The following GALNT13 variants were observed in gnomAD, a reference collection of about 807,000 sequenced individuals.
The protein encoded by GALNT13 is UDP-GalNAc:polypeptide N-acetylgalactosaminyltransferase 13.
Under a neutral mutation model 64.2 loss-of-function variants are expected in GALNT13, and 28 were observed. The ratio of observed to expected loss-of-function variants is 0.44; its 90% CI spans 0.32 to 0.60. GALNT13 has a LOEUF of 0.60. Among genes scored for constraint, GALNT13 ranks in the 20% least tolerant of loss-of-function variants. The pLI is 0.05. For synonymous variants in GALNT13, 214 were observed against 224.6 expected (o/e 0.95, Z 0.42); for missense variants, 577 against 669.8 (o/e 0.86, Z 1.53).
intron 3 of GALNT13, among the ~76,000 whole-genome samples, chr2:154,020,265 G>A (rs1176281152): frequency 6.6e-6 from 1 of 152,116 alleles, no homozygotes; most frequent in Non-Finnish European, 1.5e-5. Context: ...GATCCCTGAG[G>A]AATCGCCACA....
intron 4 of GALNT13, among the ~76,000 whole-genome samples, chr2:154,193,706 A>G (rs1686722233): frequency 6.6e-6 from 1 of 152,138 alleles, no homozygotes; most frequent in South Asian, 2.1e-4. Context: ...TTGAGAGTGA[A>G]TGTCAAAAGT....
chr2:153,564,828 G>T, the GALNT13 span, among the ~76,000 whole-genome samples: 1 of 152,188 alleles, frequency 6.6e-6, no homozygotes, highest in East Asian at 1.9e-4. Context: ...ATGGAATGTT[G>T]TTCCATTGCT....
At chr2:153,526,174 G>T in the GALNT13 span, among the ~76,000 whole-genome samples, 2 of 152,234 alleles carry the variant, frequency 1.3e-5, no homozygotes, top group Non-Finnish European at 2.9e-5. Context: ...TTTGCCATCT[G>T]CTGATTGTAG....
the GALNT13 span, among the ~76,000 whole-genome samples, chr2:153,823,678 T>C: frequency 6.6e-6 from 1 of 152,192 alleles, no homozygotes; most frequent in Non-Finnish European, 1.5e-5. Flanking sequence ...TTGAGAATAC[T>C]TAGTTAATAT....
At chr2:153,591,716 A>G in the GALNT13 span, among the ~76,000 whole-genome samples, 2 of 152,148 alleles carry the variant, frequency 1.3e-5, no homozygotes, top group Admixed American at 6.6e-5. Context: ...TAAGACCCCA[A>G]ACTGTAAAAA....
At chr2:154,137,768 G>A (rs1031904319) in intron 3 of GALNT13, among the ~76,000 whole-genome samples, 8 of 151,926 alleles carry the variant, frequency 5.3e-5, no homozygotes, top group Admixed American at 3.9e-4. Flanking sequence ...GTTGATTATG[G>A]TGACTTTCTC....
At chr2:153,533,712 C>G in the GALNT13 span, among the ~76,000 whole-genome samples, 217 of 38,626 alleles carry the variant, frequency 5.6e-3, no homozygotes, top group Middle Eastern at 0.033. Flanking sequence ...CTTTGATATC[C>G]TGAGGTTTTT....
intron 3 of GALNT13, among the ~76,000 whole-genome samples, chr2:154,061,400 T>A (rs1410520600): frequency 6.6e-6 from 1 of 152,186 alleles, no homozygotes; most frequent in Non-Finnish European, 1.5e-5. Context: ...CTCAAAGATC[T>A]CACACAGGAT....
chr2:153,746,404 T>C, the GALNT13 span, among the ~76,000 whole-genome samples: 1 of 152,202 alleles, frequency 6.6e-6, no homozygotes, highest in Non-Finnish European at 1.5e-5. Context: ...TATGCAATTA[T>C]TGAATCATAT....
At chr2:154,161,825 G>A (rs1396324532) in intron 4 of GALNT13, among the ~76,000 whole-genome samples, 2 of 151,288 alleles carry the variant, frequency 1.3e-5, no homozygotes, top group Non-Finnish European at 2.9e-5. Context: ...CTGTTGCCCA[G>A]GCTAGAGTAC....
chr2:154,357,859 T>C (rs1269901502), intron 9 of GALNT13, among the ~76,000 whole-genome samples: 1 of 152,052 alleles, frequency 6.6e-6, no homozygotes, highest in Admixed American at 6.6e-5. Flanking sequence ...AAATGGGACT[T>C]AGAAAATAGC....
At chr2:154,302,087 T>C (rs1334478014) in intron 9 of GALNT13, among the ~76,000 whole-genome samples, 1 of 152,022 alleles carries the variant, frequency 6.6e-6, no homozygotes, top group Non-Finnish European at 1.5e-5. Context: ...AAACATAGGC[T>C]ATCAGTGGGT....
intron 9 of GALNT13, among the ~76,000 whole-genome samples, chr2:154,382,275 A>G (rs1419785747): frequency 2.0e-5 from 3 of 152,216 alleles, no homozygotes; most frequent in South Asian, 2.1e-4. Context: ...AGAATTCTCT[A>G]TGTAACAGAG....
At chr2:154,393,929 T>G (rs1380627696) in intron 9 of GALNT13, among the ~76,000 whole-genome samples, 1 of 149,374 alleles carries the variant, frequency 6.7e-6, no homozygotes, top group Non-Finnish European at 1.5e-5. Flanking sequence ...ATACAAAAAA[T>G]TAGCCGGGCG....
At chr2:154,098,070 G>A (rs867190877) in intron 3 of GALNT13, among the ~76,000 whole-genome samples, 20 of 147,392 alleles carry the variant, frequency 1.4e-4, no homozygotes, top group Middle Eastern at 3.5e-3. Flanking sequence ...AGGGCTCAGT[G>A]TGTTTCTCTG....
rs1351175511 is a variant in GALNT13 at position 154,200,317 on chromosome 2, TGG to T, written c.312-41712_312-41711del. Among the ~76,000 whole-genome samples the T allele has an allele frequency of 6.8e-3, 1,027 of 151,988 alleles. 8 individuals carry two copies. The highest frequency in any genetic ancestry group is 0.024 in the African/African-American group (993 of 41,466). On this transcript the variant is annotated intron_variant, in intron 4 of 12. Transcript: ENST00000392825. ...TACTGCATTAACTATGGAGATGGGG[TGG>T]TGATTAAGGGGAATATCCCACCAAA...
intron 4 of GALNT13, among the ~76,000 whole-genome samples, chr2:154,163,357 TAAA>T (rs1558997889): frequency 6.6e-6 from 1 of 151,328 alleles, no homozygotes; most frequent in Non-Finnish European, 1.5e-5. Flanking sequence ...GCAAGACTAA[TAAA>T]GAAGAAAAGA....
intron 4 of GALNT13, among the ~76,000 whole-genome samples, chr2:154,192,376 G>T (rs1686640577): frequency 6.6e-6 from 1 of 152,136 alleles, no homozygotes; most frequent in Non-Finnish European, 1.5e-5. Context: ...TGCGGGTCCA[G>T]GCCCGGGGGT....
At chr2:154,026,507 T>A (rs887484961) in intron 3 of GALNT13, among the ~76,000 whole-genome samples, 9 of 152,200 alleles carry the variant, frequency 5.9e-5, no homozygotes, top group African/African-American at 2.2e-4. Context: ...AAATTTATTT[T>A]CTCCATTTTA....
Sources: gnomAD v4.1 joint callset for allele counts (sites outside exome capture counted in the v4.1 genomes callset) on GRCh38, gnomAD v4.1.1 for gene constraint, MANE v1.5 for transcripts, NCBI Gene and HGNC (gene_info 2026-07-23, HGNC 2026-07-21) for gene names.